Variants in PCSK5 observed in about 807,000 individuals in gnomAD.
PCSK5 encodes the protein prohormone convertase 5.
In PCSK5, 129 loss-of-function variants were observed where a neutral mutation model predicts 233.2. The ratio of observed to expected loss-of-function variants is 0.55; its 90% CI spans 0.48 to 0.64. PCSK5 has a LOEUF of 0.64. Among genes scored for constraint, PCSK5 ranks in the 30% least tolerant of loss-of-function variants. The pLI is 0.00. For missense variants in PCSK5, 2,076 were observed against 2,430.1 expected (o/e 0.85, Z 3.06); for synonymous variants, 825 against 879.2 (o/e 0.94, Z 1.09).
Position 76,057,195 on chromosome 9 carries a change from A to G in PCSK5, c.633-10760A>G, listed in dbSNP as rs376449765. On this transcript the variant is annotated intron_variant, in intron 5 of 37. Transcript: ENST00000674117. ...ATAGACTTTTCTTTTTGTGACTTTT[A>G]TATTTAACTGACATCATAAACATAC... is the stretch of plus-strand genomic sequence containing the variant. Among the ~76,000 whole-genome samples, 31 of 152,298 alleles carry G rather than the reference A, an allele frequency of 2.0e-4. 1 individual carries two copies. In the South Asian group the frequency reaches 6.4e-3, roughly 32 times the overall value.
chr9:76,125,402 A>G (rs1166018134), intron 9 of PCSK5, among the ~76,000 whole-genome samples: 4 of 152,236 alleles, frequency 2.6e-5, no homozygotes, highest in Non-Finnish European at 5.9e-5. Flanking sequence ...GGCGAGGGTC[A>G]GAGCTGAGGC....
At chr9:75,979,130 C>T (rs1390314605) in intron 2 of PCSK5, among the ~76,000 whole-genome samples, 1 of 151,900 alleles carries the variant, frequency 6.6e-6, no homozygotes, top group Non-Finnish European at 1.5e-5. Flanking sequence ...CTGGGATTAT[C>T]GCGTCCACCC....
At chr9:76,207,157 C>T (rs1390044669) in intron 20 of PCSK5, among the ~76,000 whole-genome samples, 1 of 152,124 alleles carries the variant, frequency 6.6e-6, no homozygotes, top group Non-Finnish European at 1.5e-5. Flanking sequence ...ATATTGGTGC[C>T]ACCCTGATAA....
chr9:76,016,844 GC>G (rs1442295762), intron 3 of PCSK5, among the ~76,000 whole-genome samples: 4 of 152,152 alleles, frequency 2.6e-5, no homozygotes, highest in African/African-American at 9.7e-5. Flanking sequence ...TGACTTCTAT[GC>G]TTTGATTTCT....
intron 37 of PCSK5, among the ~76,000 whole-genome samples, chr9:76,358,233 C>T (rs760856350): frequency 3.3e-5 from 5 of 152,010 alleles, no homozygotes; most frequent in Non-Finnish European, 7.4e-5. Context: ...AGGCCGGGTG[C>T]GGTGGCTCAC....
At chr9:76,177,164 C>T (rs770670768) in intron 14 of PCSK5, among the ~76,000 whole-genome samples, 6 of 151,904 alleles carry the variant, frequency 3.9e-5, no homozygotes, top group Non-Finnish European at 7.4e-5. Flanking sequence ...TGTGGTGGCA[C>T]GCACCTGTAA....
chr9:75,910,130 T>C (rs543585318), intron 1 of PCSK5, among the ~76,000 whole-genome samples: 1 of 152,230 alleles, frequency 6.6e-6, no homozygotes, highest in Non-Finnish European at 1.5e-5. Context: ...ATCAGTTCAC[T>C]CTAGTGGAAC....
intron 3 of PCSK5, among the ~76,000 whole-genome samples, chr9:75,999,113 AG>A (rs1338847156): frequency 2.6e-5 from 4 of 151,938 alleles, no homozygotes; most frequent in Non-Finnish European, 5.9e-5. Context: ...TAGAACATGC[AG>A]GTTTGTTACA....
chr9:76,250,718 A>G (rs1183515371), intron 24 of PCSK5, among the ~76,000 whole-genome samples: 4 of 152,214 alleles, frequency 2.6e-5, no homozygotes, highest in Admixed American at 6.5e-5. Context: ...GTGGCATCTC[A>G]GGTGGGATTC....
Position 76,121,258 on chromosome 9 carries a change from C to A in PCSK5, c.1209-12851C>A, listed in dbSNP as rs145545113. On this transcript the variant is annotated intron_variant, in intron 9 of 37. Transcript: ENST00000674117. ...ATCTGTTTAGATGAATATATAGTTT[C>A]TCATACTAGATTTGTTGATATGATT... 4.3e-3 allele frequency among the ~76,000 whole-genome samples: 659 copies of A among 151,712 alleles called. 1 individual carries two copies. The highest frequency in any genetic ancestry group is 6.0e-3 in the Non-Finnish European group (409 of 67,918).
intron 5 of PCSK5, among the ~76,000 whole-genome samples, chr9:76,056,817 A>T (rs1317990109): frequency 6.6e-6 from 1 of 152,150 alleles, no homozygotes; most frequent in Non-Finnish European, 1.5e-5. Context: ...TTAAGTTATT[A>T]GTTTGTCTAC....
chr9:76,200,576 G>A (rs1243063819), intron 20 of PCSK5, among the ~76,000 whole-genome samples: 1 of 152,188 alleles, frequency 6.6e-6, no homozygotes, highest in Non-Finnish European at 1.5e-5. Context: ...AGAAATATTT[G>A]TGGAATGAAT....
intron 1 of PCSK5, among the ~76,000 whole-genome samples, chr9:75,929,622 G>T (rs1307708772): frequency 6.6e-6 from 1 of 151,936 alleles, no homozygotes; most frequent in Admixed American, 6.6e-5. Flanking sequence ...CACAGTCAAG[G>T]AATGGAAGGA....
At chr9:75,896,711 CACACATATAT>C (rs149334971) in intron 1 of PCSK5, among the ~76,000 whole-genome samples, 3,637 of 152,260 alleles carry the variant, frequency 0.024, 60 homozygotes, top group Non-Finnish European at 0.037. Context: ...TACACACACA[CACACATATAT>C]ACACATATAC....
intron 16 of PCSK5, among the ~76,000 whole-genome samples, chr9:76,183,462 A>C (rs889670598): frequency 6.6e-6 from 1 of 152,202 alleles, no homozygotes; most frequent in Non-Finnish European, 1.5e-5. Flanking sequence ...CCCTTGAATA[A>C]TTAATTTTAT....
chr9:76,058,335 G>A (rs187977711), intron 5 of PCSK5, among the ~76,000 whole-genome samples: 23 of 152,198 alleles, frequency 1.5e-4, no homozygotes, highest in African/African-American at 4.8e-4. Flanking sequence ...AGGATTCTGC[G>A]TAAACCAGAA....
At chr9:76,352,254 G>C (rs1040920151) in intron 36 of PCSK5, among the ~76,000 whole-genome samples, 1 of 152,148 alleles carries the variant, frequency 6.6e-6, no homozygotes, top group Non-Finnish European at 1.5e-5. Context: ...TTTGTAAACT[G>C]CCACGGCGCT....
At position 76,097,701 on chromosome 9, in the gene PCSK5, C is replaced by T. The variant is rs142055704; in HGVS notation, c.1107+1599C>T. The stretch of plus-strand genomic sequence containing the variant: ...TTTATACAAAGAGGACACTTAGTAG[C>T]ACATAGTTCATGGAGTCATTACAAA... On this transcript the variant is annotated intron_variant, in intron 8 of 37. Transcript: ENST00000674117. Among the ~76,000 whole-genome samples the T allele has an allele frequency of 2.0e-5, 3 of 152,310 alleles. No homozygotes were observed. In the East Asian group the frequency reaches 5.8e-4, roughly 29 times the overall value.
At chr9:76,278,083 A>G (rs2131382631) in intron 24 of PCSK5, among the ~76,000 whole-genome samples, 1 of 152,312 alleles carries the variant, frequency 6.6e-6, no homozygotes, top group South Asian at 2.1e-4. Context: ...GGACATCTCA[A>G]CAGGGGTGGA....
Sources: gnomAD v4.1 joint callset for allele counts (sites outside exome capture counted in the v4.1 genomes callset) on GRCh38, gnomAD v4.1.1 for gene constraint, MANE v1.5 for transcripts, NCBI Gene and HGNC (gene_info 2026-07-23, HGNC 2026-07-21) for gene names.